Variants in SLC25A27 observed in about 807,000 individuals in gnomAD.
SLC25A27 encodes solute carrier family 25 member 27.
Under a neutral mutation model 49.1 loss-of-function variants are expected in SLC25A27, and 35 were observed. The ratio of observed to expected loss-of-function variants is 0.71; its 90% confidence interval spans 0.54 to 0.95. The LOEUF is 0.95. Among genes scored for constraint, SLC25A27 ranks in the 40% least tolerant of loss-of-function variants. The pLI is 0.00. For synonymous variants in SLC25A27, 144 were observed against 136.9 expected, an observed-to-expected ratio of 1.05 and a Z score of -0.36; for missense variants, 339 against 397.1, an observed-to-expected ratio of 0.85 and a Z score of 1.24.
At chr6:46,671,585 A>C (rs1203421343) in intron 8 of SLC25A27, among the ~76,000 whole-genome samples, 1 of 152,014 alleles carries the variant, frequency 6.6e-6, no homozygotes. Flanking sequence ...GACCTCTCCT[A>C]CAAAAAAAAA....
chr6:46,655,124 G>T (rs1762930848), intron 1 of SLC25A27, among the ~76,000 whole-genome samples: 1 of 152,040 alleles, frequency 6.6e-6, no homozygotes, highest in South Asian at 2.1e-4. Context: ...GCCATGAGTA[G>T]GCGATGCATA....
chr6:46,672,720 T>C (rs1763601945), intron 8 of SLC25A27, among the ~76,000 whole-genome samples: 1 of 152,120 alleles, frequency 6.6e-6, no homozygotes. Flanking sequence ...TTAAGACCTA[T>C]GAAATTTTGG....
intron 5 of SLC25A27, among the ~76,000 whole-genome samples, chr6:46,667,918 G>A (rs1195423933): frequency 6.6e-6 from 1 of 152,164 alleles, no homozygotes; most frequent in Admixed American, 6.5e-5. Flanking sequence ...GTGATCAAAT[G>A]TACCTATCCA....
intron 1 of SLC25A27, chr6:46,653,501 C>G: frequency 6.1e-6 from 6 of 985,486 alleles, no homozygotes; most frequent in Non-Finnish European, 7.2e-6. Context: ...CTTCTAATCT[C>G]TTCTAATGCT....
chr6:46,672,132 G>C (rs1029413338), intron 8 of SLC25A27, among the ~76,000 whole-genome samples: 7 of 152,170 alleles, frequency 4.6e-5, no homozygotes, highest in African/African-American at 1.7e-4. Flanking sequence ...TGGCAATTGA[G>C]TAAACCTCCC....
At chr6:46,655,011 T>G (rs138309386) in intron 1 of SLC25A27, among the ~76,000 whole-genome samples, 247 of 152,346 alleles carry the variant, frequency 1.6e-3, no homozygotes, top group African/African-American at 5.7e-3. Context: ...ATCTTCCTTA[T>G]GTAGGCCGTT....
rs1445481336 is a variant in SLC25A27 at position 46,677,412 on chromosome 6, C to T, written c.*958C>T. On this transcript the variant is annotated 3_prime_UTR_variant, in exon 9 of 9. Transcript: ENST00000371347. The stretch of plus-strand genomic sequence containing the variant: ...GAAGTCAGCCAACTCTGACATGCGT[C>T]CTTTCTTATCTCCCTTACCTGACAC... 6.6e-6 allele frequency: 1 copy of T among 152,164 alleles called. No individual in the cohort carries two copies. Among genetic ancestry groups the T allele is most frequent in the African/African-American group, 2.4e-5 (1 of 41,442 alleles). 9.4% of individuals were successfully genotyped at this position (152,164 alleles called of 1,614,324 possible).
chr6:46,675,791 A>G lies in SLC25A27; in HGVS notation c.901-592A>G, dbSNP rs555044126. ...TTCCTTTAGATGTAGCCATACCTTC[A>G]TTCAAGTTAAAGACAAGCCTTTCTG... On this transcript the variant is annotated intron_variant, in intron 8 of 8. Coordinates refer to ENST00000371347, the MANE Select transcript of SLC25A27 (RefSeq NM_004277.5). Among the ~76,000 whole-genome samples, 51 of 152,252 alleles carry G rather than the reference A, an allele frequency of 3.3e-4. 2 individuals carry two copies. In the South Asian group the frequency reaches 9.1e-3, roughly 27 times the overall value.
intron 7 of SLC25A27, chr6:46,670,624 C>T (rs1763493063): frequency 5.4e-6 from 1 of 184,640 alleles, no homozygotes; most frequent in Non-Finnish European, 1.1e-5. Context: ...AAATATAAGA[C>T]CAAGGGTGGC....
chr6:46,659,891 A>G (rs572583029), intron 3 of SLC25A27, among the ~76,000 whole-genome samples: 2 of 149,220 alleles, frequency 1.3e-5, no homozygotes, highest in East Asian at 1.9e-4. Flanking sequence ...TTGCATATAT[A>G]TATATAATTA....
intron 8 of SLC25A27, among the ~76,000 whole-genome samples, chr6:46,672,114 G>A (rs1763572961): frequency 6.6e-6 from 1 of 152,144 alleles, no homozygotes; most frequent in Non-Finnish European, 1.5e-5. Context: ...AATAAGCACA[G>A]CCTAAGCTGG....
chr6:46,664,707 C>A, intron 4 of SLC25A27, 67 bp from the exon 5 acceptor site: 2 of 753,374 alleles, frequency 2.7e-6, no homozygotes, highest in East Asian at 2.7e-5. Context: ...ATAAGTGAAG[C>A]TTATCCAGTT....
At chr6:46,671,348 C>T in intron 8 of SLC25A27, 120 bp downstream of exon 8, 1 of 508,328 alleles carries the variant, frequency 2.0e-6, no homozygotes, top group Admixed American at 4.2e-5. Context: ...AATCAAGGTC[C>T]TTTCTTTCTT....
In SLC25A27 at chr6:46,653,790, C is replaced by T. The variant is rs944102270; in HGVS notation, c.106+492C>T. On this transcript the variant is annotated intron_variant, in intron 1 of 8. Transcript: ENST00000371347. Reference sequence around the variant, plus strand: ...CTACTTGACCTCTTTGAGTGTAATTCATCTATACTGTTTACCTTGCAGGAT... The same window carrying T: ...CTACTTGACCTCTTTGAGTGTAATTTATCTATACTGTTTACCTTGCAGGAT... 5.1e-6 allele frequency: 5 copies of T among 985,000 alleles called. No homozygotes were observed. The African/African-American group carries it at 8.7e-5, about 17-fold the overall frequency. 61.0% of individuals were successfully genotyped at this position (985,000 alleles called of 1,614,324 possible).
At chr6:46,659,148 T>A in intron 3 of SLC25A27, 102 bp downstream of exon 3, 1 of 747,622 alleles carries the variant, frequency 1.3e-6, no homozygotes, top group Non-Finnish European at 2.3e-6. Flanking sequence ...CCTTAAGTTA[T>A]GGACTTAAAA....
intron 7 of SLC25A27, 111 bp downstream of exon 7, chr6:46,670,338 G>T: frequency 1.4e-6 from 1 of 729,364 alleles, no homozygotes; most frequent in Admixed American, 3.4e-5. Context: ...TGTGTTTTTT[G>T]AGAAAATTGA....
chr6:46,676,806 G>C lies in SLC25A27; in HGVS notation c.*352G>C. 1 of 844,172 alleles carries C rather than the reference G, an allele frequency of 1.2e-6. No homozygotes were observed. 52.3% of individuals were successfully genotyped at this position (844,172 alleles called of 1,614,324 possible). A position where few individuals can be genotyped will look rare whatever the true frequency, so the allele number is the denominator to read the frequency against. On this transcript the variant is annotated 3_prime_UTR_variant, in exon 9 of 9. Transcript: ENST00000371347. Reference sequence around the variant, plus strand: ...TGCTTAGAGGAGGAGTACCAGGAGGGAGCCAGCATTTCAGATCTGAAGTAG... The same window carrying C: ...TGCTTAGAGGAGGAGTACCAGGAGGCAGCCAGCATTTCAGATCTGAAGTAG...
At position 46,676,454 on chromosome 6, in the gene SLC25A27, A is replaced by T; in HGVS notation, c.972A>T (p.Ter324TyrextTer65). ...IREMSGVSPF[*>Y] ...AGATGAGTGGAGTCAGTCCATTTTA[A>T]ACCCCTAAAGATGCAACCCTTAAAG... The change falls in exon 9 of 9, where the codon TAA (stop) becomes TAT (tyrosine). Residue 324 changes from the stop codon to tyrosine, a stop_lost. Coordinates refer to ENST00000371347, the MANE Select transcript of SLC25A27 (RefSeq NM_004277.5). The T allele has an allele frequency of 1.2e-6, 2 of 1,613,966 alleles. No homozygotes were observed. Among genetic ancestry groups the T allele is most frequent in the Non-Finnish European group, 1.7e-6 (2 of 1,179,874 alleles).
At chr6:46,653,913 T>C (rs1220180591) in intron 1 of SLC25A27, 1 of 950,030 alleles carries the variant, frequency 1.1e-6, no homozygotes, top group Admixed American at 6.2e-5. Context: ...ACTGTGGATA[T>C]ATATTTGAAA....
Sources: gnomAD v4.1 joint callset for allele counts (sites outside exome capture counted in the v4.1 genomes callset) on GRCh38, gnomAD v4.1.1 for gene constraint, MANE v1.5 for transcripts, NCBI Gene and HGNC (gene_info 2026-07-23, HGNC 2026-07-21) for gene names.